Variants in CHLSN observed in about 807,000 individuals in gnomAD.
The protein encoded by CHLSN is cholesin.
the CHLSN span, chr7:1,043,394 C>T: frequency 6.6e-6 from 1 of 152,240 alleles, no homozygotes; most frequent in Non-Finnish European, 1.5e-5. Flanking sequence ...AATGGCATAG[C>T]TAACACTAAT....
the CHLSN span, among the ~76,000 whole-genome samples, chr7:1,000,871 G>A: frequency 6.6e-6 from 1 of 152,224 alleles, no homozygotes; most frequent in African/African-American, 2.4e-5. Context: ...GGGGGGGAAG[G>A]ATGAAGTGAG....
chr7:1,136,445 TATATATAAAC>T, the CHLSN span, among the ~76,000 whole-genome samples: 47 of 118,296 alleles, frequency 4.0e-4, no homozygotes, highest in South Asian at 2.1e-3. Flanking sequence ...TATATATAAA[TATATATAAAC>T]ATATATAAAC....
chr7:987,519 C>A, the CHLSN span: 1 of 1,527,504 alleles, frequency 6.5e-7, no homozygotes, highest in Non-Finnish European at 8.8e-7. Flanking sequence ...TGGGCGGCTT[C>A]CTGCTCCCCA....
chr7:990,792 G>A, the CHLSN span, among the ~76,000 whole-genome samples: 1 of 152,152 alleles, frequency 6.6e-6, no homozygotes, highest in Non-Finnish European at 1.5e-5. Context: ...CAGAAAGAAC[G>A]GGGTCCTGGC....
chr7:1,051,739 T>C, the CHLSN span, among the ~76,000 whole-genome samples: 1 of 152,196 alleles, frequency 6.6e-6, no homozygotes. Context: ...TTTGGGAGAC[T>C]GAGGCAGGAG....
the CHLSN span, among the ~76,000 whole-genome samples, chr7:1,103,775 G>C: frequency 6.6e-6 from 1 of 152,262 alleles, no homozygotes; most frequent in Non-Finnish European, 1.5e-5. Context: ...CAGCCCCTGA[G>C]ACGGGTCTGC....
At chr7:1,002,149 T>C in the CHLSN span, among the ~76,000 whole-genome samples, 28 of 96,348 alleles carry the variant, frequency 2.9e-4, no homozygotes, top group African/African-American at 8.1e-4. Context: ...GTGAGTGGAG[T>C]CCTGTGGGTG....
At chr7:1,079,992 G>A in the CHLSN span, among the ~76,000 whole-genome samples, 8 of 152,338 alleles carry the variant, frequency 5.3e-5, no homozygotes, top group East Asian at 1.4e-3. Flanking sequence ...AGTCCCACAA[G>A]CCCCTGGCTC....
the CHLSN span, chr7:987,071 A>T: frequency 6.8e-7 from 1 of 1,473,842 alleles, no homozygotes; most frequent in Non-Finnish European, 9.0e-7. Flanking sequence ...GACAGACCCC[A>T]GATCATCCCA....
the CHLSN span, among the ~76,000 whole-genome samples, chr7:1,136,015 T>A: frequency 3.0e-3 from 365 of 120,442 alleles, 1 homozygote; most frequent in Middle Eastern, 4.9e-3. Flanking sequence ...ATAAAATATA[T>A]ATGTATATAT....
the CHLSN span, among the ~76,000 whole-genome samples, chr7:992,067 C>T: frequency 6.6e-6 from 1 of 152,346 alleles, no homozygotes; most frequent in South Asian, 2.1e-4. Context: ...ACATCCACCC[C>T]ATGGTGCCCA....
the CHLSN span, among the ~76,000 whole-genome samples, chr7:1,047,818 T>C: frequency 0.61 from 92,573 of 152,146 alleles, 29,023 homozygotes; most frequent in African/African-American, 0.75. Flanking sequence ...TGAGTCCCCA[T>C]CCTGCCTGCT....
the CHLSN span, among the ~76,000 whole-genome samples, chr7:1,006,337 C>T: frequency 3.4e-4 from 51 of 151,702 alleles, no homozygotes; most frequent in African/African-American, 1.1e-3. Flanking sequence ...AAAGAGCACA[C>T]GACGGTCACA....
chr7:1,042,687 A>G, the CHLSN span, among the ~76,000 whole-genome samples: 2 of 152,166 alleles, frequency 1.3e-5, no homozygotes, highest in Non-Finnish European at 2.9e-5. Flanking sequence ...AACCTCTAGC[A>G]TTCCCCAGCC....
chr7:1,136,369 A>AACATATAAAC, the CHLSN span, among the ~76,000 whole-genome samples: 38 of 97,420 alleles, frequency 3.9e-4, 2 homozygotes, highest in South Asian at 1.4e-3. Flanking sequence ...CATATATATA[A>AACATATAAAC]ATATATATAA....
the CHLSN span, among the ~76,000 whole-genome samples, chr7:1,109,678 C>T: frequency 6.6e-6 from 1 of 151,838 alleles, no homozygotes; most frequent in South Asian, 2.1e-4. Flanking sequence ...TCCCCACTCA[C>T]CCCTCCATGG....
the CHLSN span, among the ~76,000 whole-genome samples, chr7:1,104,551 C>T: frequency 2.7e-4 from 41 of 152,200 alleles, 1 homozygote; most frequent in African/African-American, 9.4e-4. Flanking sequence ...TCCAGGTCAG[C>T]GCAACTGTGT....
the CHLSN span, among the ~76,000 whole-genome samples, chr7:1,035,087 A>G: frequency 6.6e-6 from 1 of 152,228 alleles, no homozygotes; most frequent in Admixed American, 6.5e-5. Flanking sequence ...GACTGTGAAC[A>G]GTGCTGGGCT....
chr7:1,060,592 T>TC, the CHLSN span, among the ~76,000 whole-genome samples: 3 of 152,196 alleles, frequency 2.0e-5, no homozygotes, highest in African/African-American at 7.2e-5. Flanking sequence ...CTGGCATTAT[T>TC]CATCACGTGC....
Sources: allele counts gnomAD v4.1 joint callset (sites outside exome capture counted in the v4.1 genomes callset), GRCh38; gene constraint gnomAD v4.1.1; transcripts MANE v1.5; gene names NCBI Gene and HGNC (gene_info 2026-07-23, HGNC 2026-07-21).